Variants in ALCAM observed in about 807,000 individuals in gnomAD.
The protein encoded by ALCAM is CD166 antigen.
In ALCAM, 30 loss-of-function variants were observed where a neutral mutation model predicts 70.9. The ratio of observed to expected loss-of-function variants is 0.42; its 90% CI spans 0.32 to 0.57. ALCAM has a LOEUF of 0.57. Ranked by LOEUF, ALCAM falls within the 20% of genes least tolerant of loss-of-function variation. The probability of loss-of-function intolerance (pLI) is 0.11; values close to 1 mark genes in which losing one functional copy is unlikely to be tolerated. For missense variants in ALCAM, 591 were observed against 695.1 expected, an observed-to-expected ratio of 0.85 and a Z score of 1.68; for synonymous variants, 249 against 242.5, an observed-to-expected ratio of 1.03 and a Z score of -0.25.
chr3:105,486,894 AT>A (rs563349816), intron 1 of ALCAM, among the ~76,000 whole-genome samples: 202 of 152,222 alleles, frequency 1.3e-3, no homozygotes, highest in Non-Finnish European at 2.5e-3. Context: ...AAATACTTGC[AT>A]TTAAATGATT....
intron 3 of ALCAM, among the ~76,000 whole-genome samples, chr3:105,527,779 A>T (rs779542741): frequency 1.3e-5 from 2 of 152,110 alleles, no homozygotes; most frequent in African/African-American, 2.4e-5. Context: ...TAGTGGCTTC[A>T]CACAGAGGTA....
At chr3:105,470,497 A>C (rs1241397078) in intron 1 of ALCAM, among the ~76,000 whole-genome samples, 1 of 151,256 alleles carries the variant, frequency 6.6e-6, no homozygotes, top group African/African-American at 2.4e-5. Context: ...AATTATAATT[A>C]AAATAATTGA....
At chr3:105,564,245 C>G (rs1940694879) in intron 14 of ALCAM, among the ~76,000 whole-genome samples, 1 of 152,162 alleles carries the variant, frequency 6.6e-6, no homozygotes, top group Admixed American at 6.5e-5. Context: ...TACAAAATCA[C>G]TTCACATGTA....
At chr3:105,515,053 A>T (rs956480207) in intron 1 of ALCAM, among the ~76,000 whole-genome samples, 1 of 151,528 alleles carries the variant, frequency 6.6e-6, no homozygotes, top group Non-Finnish European at 1.5e-5. Flanking sequence ...TTTGTATCTC[A>T]CACACACACA....
At chr3:105,401,014 A>T (rs1207698728) in intron 1 of ALCAM, among the ~76,000 whole-genome samples, 1 of 152,246 alleles carries the variant, frequency 6.6e-6, no homozygotes. Context: ...TTACTATTAA[A>T]GAAAAGCAAA....
intron 1 of ALCAM, among the ~76,000 whole-genome samples, chr3:105,487,249 G>T (rs1938457046): frequency 6.6e-6 from 1 of 152,010 alleles, no homozygotes; most frequent in East Asian, 1.9e-4. Context: ...CCATCTCCCA[G>T]ATCCTTATAG....
chr3:105,407,780 G>A (rs1003061509), intron 1 of ALCAM, among the ~76,000 whole-genome samples: 1 of 152,088 alleles, frequency 6.6e-6, no homozygotes, highest in African/African-American at 2.4e-5. Flanking sequence ...CTGTCACTGT[G>A]TGCTGATGAT....
At chr3:105,542,548 T>C (rs1576232149) in intron 8 of ALCAM, among the ~76,000 whole-genome samples, 1 of 151,806 alleles carries the variant, frequency 6.6e-6, no homozygotes, top group African/African-American at 2.4e-5. Flanking sequence ...CTTAGAGGTA[T>C]AGTACAAACT....
At chr3:105,565,802 T>G (rs1033459845) in intron 14 of ALCAM, among the ~76,000 whole-genome samples, 3 of 152,238 alleles carry the variant, frequency 2.0e-5, no homozygotes, top group Admixed American at 6.5e-5. Flanking sequence ...AAATTAGTAC[T>G]TGAAGAAGGA....
chr3:105,572,034 C>A, intron 15 of ALCAM, 70 bp downstream of exon 15: 1 of 860,532 alleles, frequency 1.2e-6, no homozygotes, highest in Non-Finnish European at 1.8e-6. Flanking sequence ...AAGATGAAGT[C>A]CTTTATGTTA....
At chr3:105,520,623 C>A (rs567565271) in intron 2 of ALCAM, among the ~76,000 whole-genome samples, 9 of 152,050 alleles carry the variant, frequency 5.9e-5, no homozygotes, top group Non-Finnish European at 8.8e-5. Flanking sequence ...TGGCATTTAG[C>A]CTTAAAAATG....
intron 1 of ALCAM, among the ~76,000 whole-genome samples, chr3:105,378,508 G>A (rs552672844): frequency 6.6e-6 from 1 of 151,432 alleles, no homozygotes; most frequent in Non-Finnish European, 1.5e-5. Context: ...ATGGATCTAA[G>A]TATGAATAAC....
chr3:105,573,552 T>C (rs967400915), intron 15 of ALCAM, among the ~76,000 whole-genome samples: 7 of 152,226 alleles, frequency 4.6e-5, no homozygotes, highest in African/African-American at 1.2e-4. Context: ...ATGACTGTTA[T>C]ATTTAACATA....
At chr3:105,480,790 G>T (rs1342898424) in intron 1 of ALCAM, among the ~76,000 whole-genome samples, 1 of 152,108 alleles carries the variant, frequency 6.6e-6, no homozygotes, top group East Asian at 1.9e-4. Flanking sequence ...TATTTTCTGA[G>T]AACAATTTAT....
chr3:105,393,624 G>A (rs974545539), intron 1 of ALCAM, among the ~76,000 whole-genome samples: 1 of 151,798 alleles, frequency 6.6e-6, no homozygotes, highest in Non-Finnish European at 1.5e-5. Flanking sequence ...CAATAGAAAT[G>A]AGCTTTGCTA....
intron 1 of ALCAM, among the ~76,000 whole-genome samples, chr3:105,469,874 T>C (rs1217165042): frequency 6.6e-6 from 1 of 150,928 alleles, no homozygotes; most frequent in Non-Finnish European, 1.5e-5. Context: ...TAGCTGACAG[T>C]GCAATCATCA....
At chr3:105,529,853 A>G (rs1939795696) in intron 3 of ALCAM, among the ~76,000 whole-genome samples, 2 of 152,152 alleles carry the variant, frequency 1.3e-5, no homozygotes, top group East Asian at 3.9e-4. Flanking sequence ...AAGTAAAGTT[A>G]TACATTTTCT....
At chr3:105,443,691 C>T (rs1937231584) in intron 1 of ALCAM, among the ~76,000 whole-genome samples, 1 of 152,014 alleles carries the variant, frequency 6.6e-6, no homozygotes, top group Admixed American at 6.6e-5. Flanking sequence ...ATTTCATTTC[C>T]ACTTAAAAAG....
At chr3:105,445,445 A>G (rs1176218735) in intron 1 of ALCAM, among the ~76,000 whole-genome samples, 1 of 152,232 alleles carries the variant, frequency 6.6e-6, no homozygotes, top group African/African-American at 2.4e-5. Flanking sequence ...CTATCAAAAT[A>G]TCAATGAAAT....
Sources: allele counts gnomAD v4.1 joint callset (sites outside exome capture counted in the v4.1 genomes callset), GRCh38; gene constraint gnomAD v4.1.1; transcripts MANE v1.5; gene names NCBI Gene and HGNC (gene_info 2026-07-23, HGNC 2026-07-21).